The following TMEM45A variants were observed in gnomAD, a reference collection of about 807,000 sequenced individuals.
The protein encoded by TMEM45A is transmembrane protein 45A.
TMEM45A carries 25 observed loss-of-function variants against 32.0 expected under a neutral mutation model. The observed-to-expected ratio is 0.78, with a 90% CI of 0.57 to 1.09. The LOEUF is 1.09. Ranked by LOEUF, TMEM45A falls within the 50% of genes least tolerant of loss-of-function variation. The probability of loss-of-function intolerance (pLI) is 0.00; values close to 1 mark genes in which losing one functional copy is unlikely to be tolerated. For synonymous variants in TMEM45A, 122 were observed against 114.8 expected (o/e 1.06, Z -0.40); for missense variants, 302 against 325.0 (o/e 0.93, Z 0.54).
intron 1 of TMEM45A, among the ~76,000 whole-genome samples, chr3:100,540,589 C>G (rs779025837): frequency 6.6e-6 from 1 of 152,104 alleles, no homozygotes; most frequent in South Asian, 2.1e-4. Flanking sequence ...CATTGCTAGT[C>G]GGAATGCAAC....
chr3:100,555,061 T>C (rs1013026457), intron 1 of TMEM45A, 148 bp from the exon 2 acceptor site: 1 of 658,184 alleles, frequency 1.5e-6, no homozygotes, highest in Middle Eastern at 3.6e-4. Context: ...TTTACTAGTA[T>C]GCACAGTAAT....
intron 4 of TMEM45A, among the ~76,000 whole-genome samples, chr3:100,559,315 G>C (rs1706282288): frequency 6.6e-6 from 1 of 152,196 alleles, no homozygotes. Flanking sequence ...TCTTAGAAGA[G>C]ATTTTTAGTC....
At chr3:100,537,112 G>T (rs574867390) in intron 1 of TMEM45A, among the ~76,000 whole-genome samples, 1 of 152,092 alleles carries the variant, frequency 6.6e-6, no homozygotes, top group Non-Finnish European at 1.5e-5. Context: ...TAGTAGAGAC[G>T]GGGTTTCACC....
chr3:100,567,518 C>CAAAAAAAGAAAAAA (rs1706467432), intron 4 of TMEM45A, among the ~76,000 whole-genome samples: 1 of 63,498 alleles, frequency 1.6e-5, no homozygotes, highest in African/African-American at 5.8e-5. Context: ...ACCATTTCTG[C>CAAAAAAAGAAAAAA]AAAAAAAAAA....
intron 1 of TMEM45A, among the ~76,000 whole-genome samples, chr3:100,532,484 T>C (rs1705664308): frequency 6.6e-6 from 1 of 152,236 alleles, no homozygotes; most frequent in Non-Finnish European, 1.5e-5. Context: ...TCTCAGGTGA[T>C]GCGGCCGGCC....
intron 1 of TMEM45A, among the ~76,000 whole-genome samples, chr3:100,539,490 T>TATACGTATACGTATACGTATATGTATAC (rs1383500797): frequency 1.4e-5 from 1 of 72,406 alleles, no homozygotes; most frequent in Non-Finnish European, 2.8e-5. Flanking sequence ...TATATGTATA[T>TATACGTATACGTATACGTATATGTATAC]GTATACGTAT....
At chr3:100,533,141 G>T (rs1351355454) in intron 1 of TMEM45A, among the ~76,000 whole-genome samples, 3 of 152,090 alleles carry the variant, frequency 2.0e-5, no homozygotes, top group Admixed American at 2.0e-4. Flanking sequence ...CCTTCACTTA[G>T]CGATGCAGTT....
chr3:100,558,060 C>T (rs570023968), intron 3 of TMEM45A, among the ~76,000 whole-genome samples: 7 of 152,288 alleles, frequency 4.6e-5, no homozygotes, highest in Admixed American at 2.6e-4. Flanking sequence ...ATGGAGATTC[C>T]AACTTCGTCT....
chr3:100,505,938 G>A (rs943175828), intron 1 of TMEM45A, among the ~76,000 whole-genome samples: 2 of 152,194 alleles, frequency 1.3e-5, no homozygotes, highest in African/African-American at 4.8e-5. Flanking sequence ...GGAAACCAAG[G>A]TGGTTAGAGT....
chr3:100,576,886 A>T (rs780442098), intron 5 of TMEM45A, 39 bp from the exon 6 acceptor site: 16 of 1,495,980 alleles, frequency 1.1e-5, no homozygotes, highest in Non-Finnish European at 1.4e-5. Flanking sequence ...TTTCTATTTT[A>T]AAAACCGTCT....
At chr3:100,575,363 CTTTTTTTTTTTTTT>C (rs59739893) in intron 5 of TMEM45A, among the ~76,000 whole-genome samples, 2 of 62,762 alleles carry the variant, frequency 3.2e-5, no homozygotes, top group African/African-American at 1.1e-4. Context: ...TATGGATTCT[CTTTTTTTTTTTTTT>C]TTTTTTTTTT....
In TMEM45A at chr3:100,568,974, T is replaced by G. The variant is rs777279160; in HGVS notation, c.734+7T>G. ...ATTATGCTTTCATTACCTGGTAAGT[T>G]AGCGATTTCTGTTAATGGAAGTTCT... On this transcript the variant is annotated splice_region_variant and intron_variant, in intron 5 of 5. Transcript: ENST00000323523. 6.2e-7 allele frequency: 1 copy of G among 1,607,486 alleles called. No homozygotes were observed. Among genetic ancestry groups the G allele is most frequent in the Non-Finnish European group, 8.5e-7 (1 of 1,174,678 alleles).
intron 1 of TMEM45A, among the ~76,000 whole-genome samples, chr3:100,522,297 A>G (rs1482368573): frequency 1.3e-5 from 2 of 152,162 alleles, no homozygotes; most frequent in Non-Finnish European, 2.9e-5. Context: ...TGGGAGATGC[A>G]GTATCAGTCC....
chr3:100,566,000 T>C (rs57075146), intron 4 of TMEM45A, among the ~76,000 whole-genome samples: 20,618 of 152,198 alleles, frequency 0.14, 1,683 homozygotes, highest in East Asian at 0.32. Context: ...CTAGTCTAGA[T>C]ATTTTATGTA....
chr3:100,537,497 A>T, intron 1 of TMEM45A, among the ~76,000 whole-genome samples: 1 of 152,170 alleles, frequency 6.6e-6, no homozygotes, highest in East Asian at 1.9e-4. Flanking sequence ...TTGGAATCCT[A>T]TCTAGGAGTG....
intron 4 of TMEM45A, among the ~76,000 whole-genome samples, chr3:100,567,211 C>A (rs565848445): frequency 9.6e-4 from 146 of 151,700 alleles, no homozygotes; most frequent in South Asian, 3.9e-3. Flanking sequence ...GGTCCAAATT[C>A]ATTTTTTTTC....
intron 1 of TMEM45A, among the ~76,000 whole-genome samples, chr3:100,507,226 A>C (rs1023515733): frequency 6.6e-6 from 1 of 152,218 alleles, no homozygotes; most frequent in African/African-American, 2.4e-5. Flanking sequence ...CTAGTTAGAC[A>C]CTTGACTGCC....
chr3:100,494,086 T>G (rs868314800), intron 1 of TMEM45A, among the ~76,000 whole-genome samples: 1 of 152,366 alleles, frequency 6.6e-6, no homozygotes, highest in South Asian at 2.1e-4. Context: ...AATTGTTATA[T>G]GTACATGCTT....
Position 100,499,577 on chromosome 3 carries a change from T to TA in TMEM45A, c.-4+6655dup, listed in dbSNP as rs565049068. Among the ~76,000 whole-genome samples the TA allele has an allele frequency of 4.0e-3, 605 of 152,358 alleles. 4 individuals carry two copies. Among genetic ancestry groups the TA allele is most frequent in the Non-Finnish European group, 6.3e-3 (432 of 68,040 alleles). On this transcript the variant is annotated intron_variant, in intron 1 of 5. Coordinates refer to ENST00000323523, the MANE Select transcript of TMEM45A (RefSeq NM_018004.3). Reference sequence around the variant, plus strand: ...TACTGATTTTTTCTTATAGAATTACTAAAAAATTCTGTACTTGGATCAGGT... The same window carrying TA: ...TACTGATTTTTTCTTATAGAATTACTAAAAAAATTCTGTACTTGGATCAGGT...
Sources: gnomAD v4.1 joint callset for allele counts (sites outside exome capture counted in the v4.1 genomes callset) on GRCh38, gnomAD v4.1.1 for gene constraint, MANE v1.5 for transcripts, NCBI Gene and HGNC (gene_info 2026-07-23, HGNC 2026-07-21) for gene names.